Variants in COL4A6 observed in about 807,000 individuals in gnomAD.
The protein encoded by COL4A6 is collagen alpha-6(IV) chain.
A neutral mutation model predicts 126.7 loss-of-function variants in COL4A6; 59 were observed. The ratio of observed to expected loss-of-function variants is 0.47; its 90% CI spans 0.38 to 0.58. The LOEUF (loss-of-function observed/expected upper bound fraction) is 0.58. COL4A6 is among the 20% of genes least tolerant of loss of function. The pLI, the probability that COL4A6 is intolerant of heterozygous loss-of-function variation, is 0.00. For missense variants in COL4A6, 1,285 were observed against 1,337.3 expected, an observed-to-expected ratio of 0.96 and a Z score of 0.61; for synonymous variants, 547 against 496.6, an observed-to-expected ratio of 1.10 and a Z score of -1.35.
chrX:108,370,196 G>T (rs1255963989), intron 2 of COL4A6, among the ~76,000 whole-genome samples: 1 of 112,080 alleles, frequency 8.9e-6, no homozygotes, highest in Non-Finnish European at 1.9e-5. Flanking sequence ...TCTTAAATTT[G>T]GTTTGTGTTG....
intron 3 of COL4A6, among the ~76,000 whole-genome samples, chrX:108,258,309 G>T (rs1269548378): frequency 8.9e-6 from 1 of 111,933 alleles, no homozygotes; most frequent in African/African-American, 3.2e-5. Context: ...AAAGAAACCT[G>T]GGTGTCTTAC....
At chrX:108,172,365 GAAA>G (rs397935341) in intron 32 of COL4A6, 101 bp downstream of exon 32, 322 of 110,505 alleles carry the variant, frequency 2.9e-3, no homozygotes, top group East Asian at 8.0e-3. Flanking sequence ...GCCTAAAAAA[GAAA>G]AAAAAAAAAA....
intron 2 of COL4A6, among the ~76,000 whole-genome samples, chrX:108,369,761 G>A (rs2040280516): frequency 8.9e-6 from 1 of 111,998 alleles, no homozygotes; most frequent in Non-Finnish European, 1.9e-5. Context: ...TCAGAGGTTA[G>A]CAAACTATTT....
At chrX:108,251,292 TGTATCAACCAA>T (rs1251065709) in intron 3 of COL4A6, among the ~76,000 whole-genome samples, 2 of 111,826 alleles carry the variant, frequency 1.8e-5, no homozygotes, top group Admixed American at 9.5e-5. Context: ...GATTCCCTAA[TGTATCAACCAA>T]GTAGCCTGCA....
At chrX:108,266,885 T>C (rs1157307826) in intron 3 of COL4A6, among the ~76,000 whole-genome samples, 4 of 111,603 alleles carry the variant, frequency 3.6e-5, no homozygotes, top group Non-Finnish European at 7.5e-5. Context: ...GATAGGATTT[T>C]TTGTCATCAA....
intron 2 of COL4A6, among the ~76,000 whole-genome samples, chrX:108,355,365 C>T (rs2039937829): frequency 8.9e-6 from 1 of 112,168 alleles, no homozygotes; most frequent in South Asian, 3.7e-4. Flanking sequence ...TAGAAGCACA[C>T]AAATAAAGGT....
At chrX:108,232,737 A>G (rs2036340328) in intron 3 of COL4A6, among the ~76,000 whole-genome samples, 1 of 111,530 alleles carries the variant, frequency 9.0e-6, no homozygotes, top group East Asian at 2.8e-4. Context: ...TTTTCTCATC[A>G]GCAAAATGGG....
intron 37 of COL4A6, among the ~76,000 whole-genome samples, chrX:108,167,272 TAG>T (rs2034158239): frequency 1.8e-5 from 2 of 111,825 alleles, no homozygotes; most frequent in South Asian, 7.5e-4. Context: ...TGAAAACAAA[TAG>T]TATCATTGAA....
At chrX:108,243,452 C>T (rs1223254648) in intron 3 of COL4A6, among the ~76,000 whole-genome samples, 1 of 111,155 alleles carries the variant, frequency 9.0e-6, no homozygotes, top group African/African-American at 3.3e-5. Flanking sequence ...CATGTGAGGA[C>T]ACAGCATAAA....
intron 2 of COL4A6, among the ~76,000 whole-genome samples, chrX:108,340,767 C>A (rs1003526906): frequency 1.1e-5 from 1 of 89,942 alleles, no homozygotes; most frequent in Non-Finnish European, 2.1e-5. Context: ...ATAGGAATGA[C>A]AAATATCTAA....
chrX:108,374,849 C>T (rs965119304), intron 2 of COL4A6, among the ~76,000 whole-genome samples: 1 of 112,167 alleles, frequency 8.9e-6, no homozygotes, highest in Non-Finnish European at 1.9e-5. Flanking sequence ...TTGTTGTTAT[C>T]GGCACTTGGC....
rs773440632 is a variant in COL4A6 at position 108,216,137 on chromosome X, C to T, written c.325-1909G>A. On this transcript the variant is annotated intron_variant, in intron 5 of 44. Transcript: ENST00000334504. ...CCACATCTTTTACTTAGGCCTTATCCTTTTCTAGTTTTCTTGCCTGAACTC... is the reference window on the plus strand; with the variant it reads ...CCACATCTTTTACTTAGGCCTTATCTTTTTCTAGTTTTCTTGCCTGAACTC... 1.3e-4 allele frequency among the ~76,000 whole-genome samples: 15 copies of T among 112,026 alleles called. No individual in the cohort carries two copies. In the East Asian group the frequency reaches 4.2e-3, roughly 32 times the overall value.
chrX:108,411,578 T>G (rs887334746), intron 2 of COL4A6, among the ~76,000 whole-genome samples: 3 of 111,937 alleles, frequency 2.7e-5, no homozygotes, highest in African/African-American at 9.8e-5. Context: ...GGGCCAGAAG[T>G]TCCCCCCTAG....
At chrX:108,221,219 A>G in intron 4 of COL4A6, 21 bp downstream of exon 4, 3 of 1,210,896 alleles carry the variant, frequency 2.5e-6, no homozygotes, top group Non-Finnish European at 3.4e-6. Context: ...TCAAAGAGAA[A>G]TCAAGCTTTG....
At chrX:108,172,610 G>T in intron 31 of COL4A6, 78 bp from the exon 32 acceptor site, 1 of 797,975 alleles carries the variant, frequency 1.3e-6, no homozygotes, top group Non-Finnish European at 1.8e-6. Flanking sequence ...ACCCCTCACT[G>T]AGCCACTGCC....
In COL4A6 at chrX:108,175,678, G is replaced by A. The variant is rs774641536; in HGVS notation, c.2806C>T (p.Arg936Cys). Residue 936 changes from arginine to cysteine, a missense_variant, in exon 29 of 45, where the codon CGT (arginine) becomes TGT (cysteine). Physicochemically the swap from Arg to Cys is radical, Grantham distance 180 (BLOSUM62 -3). Coordinates refer to ENST00000334504, the MANE Select transcript of COL4A6 (RefSeq NM_033641.4). The stretch of plus-strand genomic sequence containing the variant: ...CCCTTTTCACCAGGAGTACCAGCAC[G>A]TCCAGATGGTCCCATTTTTCCAGTT... ...GSTGKMGPSG[R>C]AGTPGEKGDR... The A allele has an allele frequency of 2.0e-4, 243 of 1,204,055 alleles. No homozygotes were observed. Among genetic ancestry groups the A allele is most frequent in the Middle Eastern group, 6.9e-4 (3 of 4,362 alleles).
At chrX:108,292,993 C>CAAAAAAAAAAAAAAAAAAAAAAAAG (rs2038207465) in intron 3 of COL4A6, among the ~76,000 whole-genome samples, 2 of 14,555 alleles carry the variant, frequency 1.4e-4, no homozygotes, top group African/African-American at 2.2e-4. Context: ...AGGAAAAAAG[C>CAAAAAAAAAAAAAAAAAAAAAAAAG]AAAAAAAAAA....
At chrX:108,161,150 G>A (rs750807172) in intron 42 of COL4A6, among the ~76,000 whole-genome samples, 5 of 111,997 alleles carry the variant, frequency 4.5e-5, no homozygotes, top group Non-Finnish European at 7.5e-5. Flanking sequence ...TTCCCACCGA[G>A]CCTCTGAACT....
Position 108,203,000 on chromosome X carries a change from G to T in COL4A6, c.781-19C>A, listed in dbSNP as rs2035431726. ...GTTCACCCTGGAAAATCAGCCCAAG[G>T]TTAGTAAGTAGCATCAGGAAGCAGT... On this transcript the variant is annotated intron_variant, in intron 12 of 44. Coordinates refer to ENST00000334504, the MANE Select transcript of COL4A6 (RefSeq NM_033641.4). The T allele has an allele frequency of 3.3e-6, 4 of 1,199,335 alleles. No homozygotes were observed. Among genetic ancestry groups the T allele is most frequent in the African/African-American group, 3.5e-5 (2 of 57,468 alleles).
Sources: allele counts gnomAD v4.1 joint callset (sites outside exome capture counted in the v4.1 genomes callset), GRCh38; gene constraint gnomAD v4.1.1; transcripts MANE v1.5; gene names NCBI Gene and HGNC (gene_info 2026-07-23, HGNC 2026-07-21).